Variants in IPPK observed in about 807,000 individuals in gnomAD.
The protein encoded by IPPK is IPK1 homolog.
In IPPK, 22 loss-of-function variants were observed where a neutral mutation model predicts 64.6. The observed-to-expected ratio is 0.34, with a 90% CI of 0.24 to 0.49. IPPK has a LOEUF of 0.49. Ranked by LOEUF, IPPK falls within the 20% of genes least tolerant of loss-of-function variation. The pLI is 0.99. For missense variants in IPPK, 532 were observed against 630.7 expected (o/e 0.84, Z 1.68); for synonymous variants, 262 against 247.2 (o/e 1.06, Z -0.56).
chr9:92,624,946 T>C (rs1413020166), intron 11 of IPPK, among the ~76,000 whole-genome samples: 4 of 150,700 alleles, frequency 2.7e-5, no homozygotes, highest in African/African-American at 9.7e-5. Flanking sequence ...ATATACAGCA[T>C]GATCTCGTAA....
At position 92,654,386 on chromosome 9, in the gene IPPK, G is replaced by A. The variant is rs576678786; in HGVS notation, c.226-1747C>T. On this transcript the variant is annotated intron_variant, in intron 3 of 12. Coordinates refer to ENST00000287996, the MANE Select transcript of IPPK (RefSeq NM_022755.6). ...ACTAAAATTAGCTGGGTGCGGTGGT[G>A]CGCACCAGTAGTCCCAGCTACTTGG... 5.3e-5 allele frequency among the ~76,000 whole-genome samples: 8 copies of A among 152,144 alleles called. 1 individual carries two copies. In the South Asian group the frequency reaches 1.5e-3, roughly 28 times the overall value.
At chr9:92,662,442 G>C (rs1203995652) in intron 1 of IPPK, among the ~76,000 whole-genome samples, 2 of 151,874 alleles carry the variant, frequency 1.3e-5, no homozygotes, top group Non-Finnish European at 2.9e-5. Flanking sequence ...AGAATCACTT[G>C]AACCCAGGAG....
chr9:92,642,625 C>A, intron 7 of IPPK, 127 bp downstream of exon 7: 1 of 763,502 alleles, frequency 1.3e-6, no homozygotes. Flanking sequence ...AAAGAGAGCC[C>A]TGAAGACAGA....
intron 5 of IPPK, among the ~76,000 whole-genome samples, chr9:92,648,929 C>T (rs1329468774): frequency 6.6e-6 from 1 of 152,266 alleles, no homozygotes; most frequent in Admixed American, 6.5e-5. Context: ...ACACCAGTGC[C>T]TCTGAGGGTC....
At chr9:92,652,727 G>A in intron 3 of IPPK, 88 bp from the exon 4 acceptor site, 2 of 613,892 alleles carry the variant, frequency 3.3e-6, no homozygotes, top group East Asian at 5.4e-5. Context: ...AAACAGTTGA[G>A]CTGTTGGTTT....
chr9:92,621,659 T>C (rs1851634494), intron 11 of IPPK, among the ~76,000 whole-genome samples: 1 of 151,946 alleles, frequency 6.6e-6, no homozygotes, highest in Non-Finnish European at 1.5e-5. Flanking sequence ...AGACTACAGG[T>C]ATGCACCACC....
chr9:92,654,160 T>G (rs1339442606), intron 3 of IPPK, among the ~76,000 whole-genome samples: 2 of 152,244 alleles, frequency 1.3e-5, no homozygotes, highest in African/African-American at 4.8e-5. Flanking sequence ...CAGACCTCGG[T>G]GGTTTATTTC....
In IPPK at chr9:92,652,593, T is replaced by C; in HGVS notation, c.272A>G (p.Lys91Arg). 1 of 1,569,504 alleles carries C rather than the reference T, an allele frequency of 6.4e-7. No individual in the cohort carries two copies. Among genetic ancestry groups the C allele is most frequent in the Non-Finnish European group, 8.7e-7 (1 of 1,147,882 alleles). Residue 91 changes from lysine (K) to arginine (R), a missense_variant, in exon 4 of 13, where the codon AAG (lysine) becomes AGG (arginine). Coordinates refer to ENST00000287996, the MANE Select transcript of IPPK (RefSeq NM_022755.6). ...PLEFVKQLCL[K>R]IQSERPESRC... ...CTTACCTGGTCTTTCAGATTGTATC[T>C]TTAAACAAAGCTGTTTCACAAACTC... is the stretch of plus-strand genomic sequence containing the variant.
intron 1 of IPPK, among the ~76,000 whole-genome samples, chr9:92,664,313 G>A (rs546277112): frequency 9.1e-4 from 139 of 152,340 alleles, no homozygotes; most frequent in South Asian, 1.2e-3. Flanking sequence ...ATTTGACACC[G>A]GATGAAAAGT....
In IPPK at chr9:92,669,947, G is replaced by A. The variant is rs1486962577; in HGVS notation, c.42C>T (p.His14=). Residue 14 remains histidine (H), a synonymous_variant, in exon 1 of 13, where the codon CAC becomes CAT. Transcript: ENST00000287996. ...CCACCAGGCTCTTATTGCCCTCTCC[G>A]TGGTACCCCCATTCATTCTCGTCCA... ...GKMDENEWGY[H]GEGNKSLVVA... is the part of the protein sequence containing the mutation. 2 of 1,613,180 alleles carry A rather than the reference G, an allele frequency of 1.2e-6. No individual in the cohort carries two copies. The highest frequency in any genetic ancestry group is 2.7e-5 in the African/African-American group (2 of 74,832).
intron 6 of IPPK, among the ~76,000 whole-genome samples, chr9:92,644,837 A>G (rs1180281891): frequency 6.6e-6 from 1 of 152,218 alleles, no homozygotes; most frequent in Non-Finnish European, 1.5e-5. Context: ...TATTATTTCA[A>G]ATGCCCACTT....
At position 92,619,399 on chromosome 9, in the gene IPPK, G is replaced by A. The variant is rs1479842711; in HGVS notation, c.1250+87C>T. ...TCCGCCATGGAGTCTCTAAATATGGGGAAACCAACTATCCTATTAACAATT... is the reference window on the plus strand; with the variant it reads ...TCCGCCATGGAGTCTCTAAATATGGAGAAACCAACTATCCTATTAACAATT... On this transcript the variant is annotated intron_variant, in intron 12 of 12. Coordinates refer to ENST00000287996, the MANE Select transcript of IPPK (RefSeq NM_022755.6). 5 of 1,109,474 alleles carry A rather than the reference G, an allele frequency of 4.5e-6. No individual in the cohort carries two copies. In the Admixed American group the frequency reaches 8.0e-5, roughly 18 times the overall value. The allele number at this position is 1,109,474 out of a possible 1,614,324, so 68.7% of individuals were successfully genotyped here.
At chr9:92,667,300 C>T (rs536452371) in intron 1 of IPPK, among the ~76,000 whole-genome samples, 9 of 152,318 alleles carry the variant, frequency 5.9e-5, no homozygotes, top group African/African-American at 1.2e-4. Context: ...CACAAGACCA[C>T]GGACTCCTCC....
intron 1 of IPPK, among the ~76,000 whole-genome samples, chr9:92,666,788 G>A (rs1852606900): frequency 6.6e-6 from 1 of 152,134 alleles, no homozygotes; most frequent in South Asian, 2.1e-4. Context: ...ACCTTTAAAC[G>A]CCTCTCTATG....
intron 6 of IPPK, among the ~76,000 whole-genome samples, chr9:92,643,704 A>G (rs1354367539): frequency 6.6e-6 from 1 of 152,260 alleles, no homozygotes. Flanking sequence ...GAAAAAAGCA[A>G]TTAGACAAAG....
intron 11 of IPPK, among the ~76,000 whole-genome samples, chr9:92,622,496 C>T (rs1851659957): frequency 1.3e-5 from 2 of 152,072 alleles, no homozygotes; most frequent in African/African-American, 4.8e-5. Context: ...TAATCAAACA[C>T]TTTTAAAGTA....
intron 11 of IPPK, among the ~76,000 whole-genome samples, chr9:92,631,036 G>A (rs527720107): frequency 1.1e-3 from 172 of 152,138 alleles, no homozygotes; most frequent in Non-Finnish European, 2.4e-3. Flanking sequence ...TGGCCAGGCC[G>A]GGTACCTGCA....
At chr9:92,643,691 A>C (rs942385017) in intron 6 of IPPK, among the ~76,000 whole-genome samples, 1 of 152,252 alleles carries the variant, frequency 6.6e-6, no homozygotes, top group African/African-American at 2.4e-5. Context: ...TCAAGGATTA[A>C]GTGAAAAAAG....
intron 11 of IPPK, among the ~76,000 whole-genome samples, chr9:92,623,298 G>T (rs1851675718): frequency 6.6e-6 from 1 of 152,088 alleles, no homozygotes; most frequent in South Asian, 2.1e-4. Flanking sequence ...GCCAGGCATG[G>T]TGGCGGGTGC....
Sources: allele counts gnomAD v4.1 joint callset (sites outside exome capture counted in the v4.1 genomes callset), GRCh38; gene constraint gnomAD v4.1.1; transcripts MANE v1.5; gene names NCBI Gene and HGNC (gene_info 2026-07-23, HGNC 2026-07-21).